The following RYR2 variants were observed in gnomAD, a reference collection of about 807,000 sequenced individuals.
RYR2 encodes the protein ryanodine receptor 2, also known as cardiac muscle ryanodine receptor-calcium release channel.
Under a neutral mutation model 601.1 loss-of-function variants are expected in RYR2, and 227 were observed. The ratio of observed to expected loss-of-function variants is 0.38; its 90% CI spans 0.34 to 0.42. The LOEUF is 0.42. Among genes scored for constraint, RYR2 ranks in the 10% least tolerant of loss-of-function variants. The pLI is 1.00. For missense variants in RYR2, 4,646 were observed against 6,156.5 expected, an observed-to-expected ratio of 0.75 and a Z score of 8.21; for synonymous variants, 2,223 against 2,175.1, an observed-to-expected ratio of 1.02 and a Z score of -0.61.
At chr1:237,265,175 TA>T (rs1358801233) in intron 1 of RYR2, among the ~76,000 whole-genome samples, 1 of 152,056 alleles carries the variant, frequency 6.6e-6, no homozygotes, top group Non-Finnish European at 1.5e-5. Context: ...GAAAGATGGG[TA>T]AGTATTAACT....
intron 1 of RYR2, among the ~76,000 whole-genome samples, chr1:237,129,636 T>A (rs1335217678): frequency 1.3e-5 from 2 of 150,734 alleles, no homozygotes; most frequent in Non-Finnish European, 3.0e-5. Context: ...TATATATGTG[T>A]GTAGCATAAT....
intron 1 of RYR2, among the ~76,000 whole-genome samples, chr1:237,156,583 A>G (rs952841750): frequency 1.2e-4 from 18 of 152,218 alleles, no homozygotes; most frequent in African/African-American, 3.9e-4. Context: ...CTGCTTAATC[A>G]TGCTCTCCTA....
At chr1:237,403,172 A>G (rs1345365432) in intron 10 of RYR2, among the ~76,000 whole-genome samples, 1 of 152,184 alleles carries the variant, frequency 6.6e-6, no homozygotes, top group Non-Finnish European at 1.5e-5. Flanking sequence ...ATATTAAGCT[A>G]CTGATTCAAG....
intron 58 of RYR2, among the ~76,000 whole-genome samples, chr1:237,669,336 C>T (rs61832667): frequency 0.059 from 8,887 of 151,838 alleles, 600 homozygotes; most frequent in East Asian, 0.38. Context: ...TTTCCCCCCT[C>T]TCTATTCCAC....
At chr1:237,493,279 A>G (rs1186900283) in intron 19 of RYR2, among the ~76,000 whole-genome samples, 192 bp downstream of exon 19, 1 of 152,178 alleles carries the variant, frequency 6.6e-6, no homozygotes, top group Non-Finnish European at 1.5e-5. Flanking sequence ...ACCTAGCAAA[A>G]TATGGATTTG....
chr1:237,458,508 T>C (rs895828824), intron 16 of RYR2, among the ~76,000 whole-genome samples: 1 of 152,348 alleles, frequency 6.6e-6, no homozygotes, highest in South Asian at 2.1e-4. Context: ...CTCTGGTTTC[T>C]TGCCACTAAG....
intron 4 of RYR2, among the ~76,000 whole-genome samples, chr1:237,359,604 A>G (rs895053755): frequency 2.0e-5 from 3 of 152,104 alleles, no homozygotes; most frequent in Admixed American, 2.0e-4. Flanking sequence ...AGTTTCATCA[A>G]AGGTCCATCA....
chr1:237,289,056 A>G (rs1388059160), intron 2 of RYR2, among the ~76,000 whole-genome samples: 2 of 152,114 alleles, frequency 1.3e-5, no homozygotes, highest in Non-Finnish European at 2.9e-5. Context: ...TAAACTTTTC[A>G]CGCAAACAGA....
chr1:237,285,238 G>A (rs924183853), intron 2 of RYR2, among the ~76,000 whole-genome samples: 6 of 152,296 alleles, frequency 3.9e-5, no homozygotes, highest in African/African-American at 2.4e-5. Context: ...TAATCATAAA[G>A]TGATGCTAGA....
intron 26 of RYR2, among the ~76,000 whole-genome samples, chr1:237,549,628 C>CTTTTTT (rs57579159): frequency 4.4e-4 from 34 of 77,730 alleles, no homozygotes; most frequent in African/African-American, 1.1e-3. Flanking sequence ...CCATAGCTTT[C>CTTTTTT]TTTTTTTTTT....
chr1:237,274,412 A>T (rs910399893), intron 2 of RYR2, among the ~76,000 whole-genome samples: 7 of 151,186 alleles, frequency 4.6e-5, no homozygotes, highest in East Asian at 1.9e-4. Flanking sequence ...TTTAAAAAGT[A>T]AAAAAAAATT....
chr1:237,342,602 G>T (rs1242036170), intron 3 of RYR2, among the ~76,000 whole-genome samples: 1 of 152,286 alleles, frequency 6.6e-6, no homozygotes. Context: ...CATTCTGAGA[G>T]TGAGCATGAG....
rs534701238 is a variant in RYR2, at chr1:237,353,989, A to G, written c.274-1976A>G. On this transcript the variant is annotated intron_variant, in intron 3 of 104. Coordinates refer to ENST00000366574, the MANE Select transcript of RYR2 (RefSeq NM_001035.3). ...TTCACCGTTTGCAGGAATTTAAATG[A>G]TTCTTGTCAACAAGAACAAGAGACG... Among the ~76,000 whole-genome samples, 11 of 152,342 alleles carry G rather than the reference A, an allele frequency of 7.2e-5. No individual in the cohort carries two copies. The South Asian group carries it at 2.3e-3, about 32-fold the overall frequency.
chr1:237,832,459 G>A (rs150930083), intron 104 of RYR2, 93 bp from the exon 105 acceptor site: 42 of 724,948 alleles, frequency 5.8e-5, no homozygotes, highest in East Asian at 1.8e-4. Context: ...TCTCTATTCC[G>A]TGCGATATAG....
rs182865157 is a variant in RYR2, at chr1:237,092,679, G to A, written c.48+50110G>A. ...CGAGTAACTGGGATTACAGGCATGT[G>A]CCACCATGCCCAGCTATTTTTTGTA... On this transcript the variant is annotated intron_variant, in intron 1 of 104. Transcript: ENST00000366574. 4.9e-3 allele frequency among the ~76,000 whole-genome samples: 746 copies of A among 152,066 alleles called. 7 individuals are homozygous for A. Among genetic ancestry groups the A allele is most frequent in the Middle Eastern group, 0.01 (3 of 292 alleles).
At chr1:237,688,839 G>A (rs920425559) in intron 63 of RYR2, among the ~76,000 whole-genome samples, 3 of 152,120 alleles carry the variant, frequency 2.0e-5, no homozygotes, top group Non-Finnish European at 4.4e-5. Context: ...TCTTATTAAT[G>A]AGCATAATAA....
At chr1:237,545,249 A>G (rs756007817) in intron 25 of RYR2, among the ~76,000 whole-genome samples, 18 of 152,264 alleles carry the variant, frequency 1.2e-4, no homozygotes, top group African/African-American at 3.9e-4. Context: ...GATTTTGTCA[A>G]TATTATCCAG....
chr1:237,638,835 A>G (rs776311874), intron 45 of RYR2, among the ~76,000 whole-genome samples, 180 bp from the exon 46 acceptor site: 7 of 152,204 alleles, frequency 4.6e-5, no homozygotes, highest in Non-Finnish European at 1.0e-4. Flanking sequence ...TTTTAATGCA[A>G]GCAAAATTTA....
In RYR2 at chr1:237,550,616, A is replaced by G. The variant is rs1315250194; in HGVS notation, c.3139A>G (p.Lys1047Glu). 6.2e-7 allele frequency: 1 copy of G among 1,600,062 alleles called. No individual in the cohort carries two copies. The highest frequency in any genetic ancestry group is 8.5e-7 in the Non-Finnish European group (1 of 1,172,966). ...GGATGACCGAACCAAGAAATCCAAC[A>G]AGGACAGCCTCCGCGAGGCTGTGCG... ...LLDDRTKKSN[K>E]DSLREAVRTL... is the part of the protein sequence containing the mutation. The change falls in exon 27 of 105, where the codon AAG becomes GAG. Residue 1047 changes from lysine (K) to glutamate (E), a missense_variant. This residue lies in a region of RYR2 where 1,807 missense variants were observed against 2,088.1 expected (regional missense o/e 0.87). Transcript: ENST00000366574.
Sources: gnomAD v4.1 joint callset for allele counts (sites outside exome capture counted in the v4.1 genomes callset) on GRCh38, gnomAD v4.1.1 for gene constraint, gnomAD v4.1.1 regional missense constraint, MANE v1.5 for transcripts, NCBI Gene and HGNC (gene_info 2026-07-23, HGNC 2026-07-21) for gene names.